Variants in NXPE2 observed in about 807,000 individuals in gnomAD.
The protein encoded by NXPE2 is NXPE family member 2.
A neutral mutation model predicts 34.4 loss-of-function variants in NXPE2; 34 were observed. The ratio of observed to expected loss-of-function variants is 0.99; its 90% CI spans 0.75 to 1.31. NXPE2 has a LOEUF of 1.31. Among genes scored for constraint, NXPE2 ranks in the 40% most tolerant of loss-of-function variants. NXPE2 has a pLI of 0.00. For missense variants in NXPE2, 649 were observed against 672.5 expected (o/e 0.97, Z 0.39); for synonymous variants, 235 against 231.3 (o/e 1.02, Z -0.15).
chr11:114,623,288 C>A, the NXPE2 span, among the ~76,000 whole-genome samples: 1 of 151,982 alleles, frequency 6.6e-6, no homozygotes, highest in African/African-American at 2.4e-5. Flanking sequence ...ACAACTGTTA[C>A]CCAGTGGATA....
At chr11:114,590,882 C>T in the NXPE2 span, among the ~76,000 whole-genome samples, 1 of 152,198 alleles carries the variant, frequency 6.6e-6, no homozygotes, top group Non-Finnish European at 1.5e-5. Flanking sequence ...CTTTGGCTAA[C>T]AGTCCGTTGG....
At chr11:114,601,732 T>C in the NXPE2 span, among the ~76,000 whole-genome samples, 1 of 71,968 alleles carries the variant, frequency 1.4e-5, no homozygotes, top group Non-Finnish European at 2.3e-5. Context: ...AATTATATAT[T>C]ATATATAATT....
chr11:114,631,092 C>T, the NXPE2 span, among the ~76,000 whole-genome samples: 2 of 151,902 alleles, frequency 1.3e-5, no homozygotes, highest in African/African-American at 4.8e-5. Context: ...TAAACTAGTT[C>T]AATCATTGTG....
At chr11:114,472,555 T>A in the NXPE2 span, among the ~76,000 whole-genome samples, 2 of 152,182 alleles carry the variant, frequency 1.3e-5, no homozygotes, top group African/African-American at 4.8e-5. Flanking sequence ...TGCAGGCTGC[T>A]ATAACAAAAT....
At chr11:114,730,501 A>G in the NXPE2 span, among the ~76,000 whole-genome samples, 15 of 152,192 alleles carry the variant, frequency 9.9e-5, no homozygotes, top group Non-Finnish European at 2.1e-4. Flanking sequence ...CAGTATGGCC[A>G]TTTTAACAAT....
chr11:114,508,359 C>T, the NXPE2 span, among the ~76,000 whole-genome samples: 1 of 152,134 alleles, frequency 6.6e-6, no homozygotes, highest in Non-Finnish European at 1.5e-5. Flanking sequence ...TATTCAACTA[C>T]CATTGAGATT....
the NXPE2 span, among the ~76,000 whole-genome samples, chr11:114,733,092 T>TTTTGTTTG: frequency 1.3e-5 from 2 of 152,036 alleles, no homozygotes; most frequent in Admixed American, 6.6e-5. Context: ...ATATTGGGTT[T>TTTTGTTTG]TTTGTTTGTT....
At chr11:114,519,259 C>T in the NXPE2 span, among the ~76,000 whole-genome samples, 1 of 152,206 alleles carries the variant, frequency 6.6e-6, no homozygotes, top group Non-Finnish European at 1.5e-5. Flanking sequence ...TGTGAGCCCA[C>T]TGAATTCGTA....
At chr11:114,707,387 T>C (rs1244650266), downstream of NXPE2, 4 of 413,308 alleles carry the variant, frequency 9.7e-6, no homozygotes, top group South Asian at 3.4e-5. Flanking sequence ...TGAACCACCA[T>C]GCCCGGCATT....
At chr11:114,707,901 C>G (rs1216263715), downstream of NXPE2, among the ~76,000 whole-genome samples, 1 of 152,154 alleles carries the variant, frequency 6.6e-6, no homozygotes, top group Non-Finnish European at 1.5e-5. Context: ...GAATAATATT[C>G]CGTTGTAAGT....
At chr11:114,680,278 A>G (rs1365568140) in intron 2 of NXPE2, among the ~76,000 whole-genome samples, 1 of 152,162 alleles carries the variant, frequency 6.6e-6, no homozygotes, top group African/African-American at 2.4e-5. Context: ...TCCTGATCAA[A>G]TACTTTCACC....
chr11:114,548,760 A>G, the NXPE2 span, among the ~76,000 whole-genome samples: 1 of 152,000 alleles, frequency 6.6e-6, no homozygotes, highest in Non-Finnish European at 1.5e-5. Context: ...AAAGGAAAAC[A>G]GAGTAAATCA....
At chr11:114,748,919 C>A in the NXPE2 span, among the ~76,000 whole-genome samples, 146 of 152,222 alleles carry the variant, frequency 9.6e-4, no homozygotes, top group African/African-American at 3.4e-3. Flanking sequence ...TAATTAGTTG[C>A]CATCATTGTT....
At chr11:114,535,568 A>G in the NXPE2 span, among the ~76,000 whole-genome samples, 1 of 152,218 alleles carries the variant, frequency 6.6e-6, no homozygotes, top group African/African-American at 2.4e-5. Flanking sequence ...CATAGGCTCA[A>G]AATAAAGGGA....
rs558035279 is a variant in NXPE2 at position 114,698,645 on chromosome 11, A to C, written c.733A>C (p.Met245Leu). Residue 245 changes from methionine (M) to leucine (L), a missense_variant, in exon 3 of 6, where the codon ATG (methionine) becomes CTG (leucine). Transcript: ENST00000389586. ...LNTNAELCQYMDDRDQEAFYC... is the reference protein window; with the variant it reads ...LNTNAELCQYLDDRDQEAFYC... ...CACAAATGCTGAACTGTGCCAGTAC[A>C]TGGATGACAGAGACCAAGAAGCCTT... 2 of 1,614,192 alleles carry C rather than the reference A, an allele frequency of 1.2e-6. No individual in the cohort carries two copies. The highest frequency in any genetic ancestry group is 1.7e-6 in the Non-Finnish European group (2 of 1,180,014).
chr11:114,650,702 G>A, the NXPE2 span, among the ~76,000 whole-genome samples: 1 of 152,142 alleles, frequency 6.6e-6, no homozygotes, highest in Admixed American at 6.6e-5. Context: ...ATCATAAGTA[G>A]GGCAGGCAAC....
chr11:114,599,810 C>G, the NXPE2 span, among the ~76,000 whole-genome samples: 2 of 152,076 alleles, frequency 1.3e-5, no homozygotes, highest in Non-Finnish European at 2.9e-5. Flanking sequence ...ACTCTGCCCC[C>G]GTGATCCAAT....
At chr11:114,645,555 T>G in the NXPE2 span, among the ~76,000 whole-genome samples, 3 of 152,172 alleles carry the variant, frequency 2.0e-5, no homozygotes, top group Admixed American at 6.6e-5. Flanking sequence ...TTTTTGAATT[T>G]CAGTGCAATA....
At chr11:114,773,279 A>ACCCCCCCC in the NXPE2 span, among the ~76,000 whole-genome samples, 53 of 69,324 alleles carry the variant, frequency 7.6e-4, no homozygotes, top group South Asian at 1.6e-3. Context: ...ACCCACTCCC[A>ACCCCCCCC]CCCCCCCCCC....
Sources: gnomAD v4.1 joint callset for allele counts (sites outside exome capture counted in the v4.1 genomes callset) on GRCh38, gnomAD v4.1.1 for gene constraint, MANE v1.5 for transcripts, NCBI Gene and HGNC (gene_info 2026-07-23, HGNC 2026-07-21) for gene names.